The following ATP2C1 variants were observed in gnomAD, a reference collection of about 807,000 sequenced individuals.
The protein encoded by ATP2C1 is calcium-transporting ATPase type 2C member 1.
ATP2C1 carries 31 observed loss-of-function variants against 120.5 expected under a neutral mutation model. The observed-to-expected ratio is 0.26, with a 90% CI of 0.19 to 0.35. ATP2C1 has a LOEUF of 0.35. Among genes scored for constraint, ATP2C1 ranks in the 10% least tolerant of loss-of-function variants. ATP2C1 has a pLI of 1.00. For synonymous variants in ATP2C1, 351 were observed against 358.7 expected (o/e 0.98, Z 0.24); for missense variants, 731 against 1,107.5 (o/e 0.66, Z 4.83).
intron 4 of ATP2C1, 93 bp downstream of exon 4, chr3:130,932,231 A>G (rs2059481039): frequency 1.2e-6 from 1 of 833,072 alleles, no homozygotes; most frequent in African/African-American, 1.7e-5. Flanking sequence ...CTGTTTATGG[A>G]GAAAGGAAAT....
At chr3:130,876,443 T>G (rs1360387660) in intron 1 of ATP2C1, among the ~76,000 whole-genome samples, 1 of 152,168 alleles carries the variant, frequency 6.6e-6, no homozygotes, top group Non-Finnish European at 1.5e-5. Flanking sequence ...TGTAAATAGT[T>G]GGATTCATTT....
chr3:130,885,091 G>A (rs1261019736), intron 1 of ATP2C1, among the ~76,000 whole-genome samples: 3 of 151,852 alleles, frequency 2.0e-5, no homozygotes, highest in Non-Finnish European at 4.4e-5. Flanking sequence ...CTGCGACAAC[G>A]CCCAGCTAAT....
At chr3:131,012,446 CG>C (rs2063360988) in intron 26 of ATP2C1, among the ~76,000 whole-genome samples, 1 of 151,576 alleles carries the variant, frequency 6.6e-6, no homozygotes, top group African/African-American at 2.4e-5. Context: ...TTAGTAGAGA[CG>C]GGGTTTCACC....
intron 20 of ATP2C1, among the ~76,000 whole-genome samples, chr3:130,989,269 A>C (rs535711161): frequency 2.7e-5 from 4 of 147,910 alleles, no homozygotes; most frequent in African/African-American, 1.0e-4. Flanking sequence ...AAACAAAAAA[A>C]CAAACACACA....
In ATP2C1 at chr3:131,002,605, G is replaced by A. The variant is rs886057991; in HGVS notation, c.*1255G>A. ...TAGGTCATTTGTTTTGAGTATGTGG[G>A]CCAGAAATTTAAAATTAGAAATTTG... On this transcript the variant is annotated 3_prime_UTR_variant, in exon 28 of 28. Coordinates refer to ENST00000510168, the MANE Select transcript of ATP2C1 (RefSeq NM_001378687.1). 17 of 985,382 alleles carry A rather than the reference G, an allele frequency of 1.7e-5. No individual in the cohort carries two copies. In the East Asian group the frequency reaches 1.6e-3, roughly 92 times the overall value. The allele number at this position is 985,382 out of a possible 1,614,324, so 61.0% of individuals were successfully genotyped here. A position where few individuals can be genotyped will look rare whatever the true frequency, so the allele number is the denominator to read the frequency against.
intron 2 of ATP2C1, among the ~76,000 whole-genome samples, chr3:130,916,774 C>CT (rs1384053086): frequency 3.3e-5 from 5 of 151,882 alleles, no homozygotes; most frequent in Non-Finnish European, 5.9e-5. Context: ...TTTTCTTTTT[C>CT]TTTTTTTATT....
rs2061496881 is a variant in ATP2C1, at chr3:130,975,474, C to T, written c.1556C>T (p.Ser519Leu). 1.9e-6 allele frequency: 3 copies of T among 1,613,552 alleles called. No homozygotes were observed. The South Asian group carries it at 3.3e-5, about 18-fold the overall frequency. Residue 519 changes from serine (S) to leucine (L), a missense_variant, in exon 18 of 28, where the codon TCA becomes TTA. By Grantham distance (145) the Ser-to-Leu change is moderately radical. This residue lies in a region of ATP2C1 where 571 missense variants were observed against 845.9 expected (regional missense o/e 0.67). Coordinates refer to ENST00000510168, the MANE Select transcript of ATP2C1 (RefSeq NM_001378687.1). The part of the protein sequence containing the change: ...VYQQEKARMG[S>L]AGLRVLALAS... Reference sequence around the variant, plus strand: ...CAACAAGAGAAGGCACGCATGGGCTCAGCGGGACTCAGAGGTAAGGCTATT... The same window carrying T: ...CAACAAGAGAAGGCACGCATGGGCTTAGCGGGACTCAGAGGTAAGGCTATT...
intron 17 of ATP2C1, among the ~76,000 whole-genome samples, chr3:130,972,272 A>G (rs2061349659): frequency 6.6e-6 from 1 of 152,066 alleles, no homozygotes; most frequent in Non-Finnish European, 1.5e-5. Context: ...TGGGTTCCTA[A>G]CATACCATGG....
downstream of ATP2C1, among the ~76,000 whole-genome samples, chr3:131,004,829 C>G (rs559649691): frequency 2.2e-3 from 328 of 152,334 alleles, no homozygotes; most frequent in African/African-American, 7.4e-3. Flanking sequence ...GAGTTTGACA[C>G]TGTTAAGGCA....
chr3:130,861,294 G>A (rs2068004916), intron 1 of ATP2C1, among the ~76,000 whole-genome samples: 1 of 152,104 alleles, frequency 6.6e-6, no homozygotes, highest in South Asian at 2.1e-4. Flanking sequence ...GGTTCTCTAG[G>A]AGGTGAGGTA....
In ATP2C1 at chr3:130,979,425, A is replaced by C. The variant is rs758142720; in HGVS notation, c.1741+6A>C. The C allele has an allele frequency of 6.2e-7, 1 of 1,612,968 alleles. No homozygotes were observed. Among genetic ancestry groups the C allele is most frequent in the South Asian group, 1.1e-5 (1 of 91,060 alleles). The stretch of plus-strand genomic sequence containing the variant: ...GGAGACTGCAGTTGCAATCGGTATA[A>C]CTAGACTGCTTTCTTTTGTTTTCGA... On this transcript the variant is annotated splice_donor_region_variant and intron_variant, in intron 19 of 27. Coordinates refer to ENST00000510168, the MANE Select transcript of ATP2C1 (RefSeq NM_001378687.1).
chr3:130,925,279 G>A (rs2108292839), intron 2 of ATP2C1, among the ~76,000 whole-genome samples: 1 of 152,286 alleles, frequency 6.6e-6, no homozygotes, highest in South Asian at 2.1e-4. Flanking sequence ...CCTTGATGTG[G>A]TGTTCTCCCC....
intron 17 of ATP2C1, among the ~76,000 whole-genome samples, chr3:130,973,825 G>A (rs1375161371): frequency 6.6e-6 from 1 of 152,134 alleles, no homozygotes; most frequent in Non-Finnish European, 1.5e-5. Flanking sequence ...CCTTCAAAAT[G>A]AGAGGAAATT....
At chr3:130,886,916 T>C (rs1479033768) in intron 1 of ATP2C1, among the ~76,000 whole-genome samples, 4 of 152,192 alleles carry the variant, frequency 2.6e-5, no homozygotes, top group Non-Finnish European at 5.9e-5. Context: ...GTCTAAGCAT[T>C]GAAATGTTAG....
intron 2 of ATP2C1, among the ~76,000 whole-genome samples, chr3:130,913,927 A>G (rs993394823): frequency 1.3e-5 from 2 of 152,046 alleles, no homozygotes; most frequent in African/African-American, 4.8e-5. Context: ...TAATTTCCCT[A>G]TCTAAAAAAG....
At chr3:130,907,665 T>C (rs939745680) in intron 2 of ATP2C1, among the ~76,000 whole-genome samples, 2 of 152,044 alleles carry the variant, frequency 1.3e-5, no homozygotes, top group Non-Finnish European at 2.9e-5. Context: ...TTTTGATTAC[T>C]GTAGGTTTTG....
At chr3:130,886,936 G>A (rs1478239556) in intron 1 of ATP2C1, among the ~76,000 whole-genome samples, 4 of 152,174 alleles carry the variant, frequency 2.6e-5, no homozygotes, top group African/African-American at 7.2e-5. Flanking sequence ...GGTATTTATT[G>A]TAGTCTTCAC....
At chr3:130,944,521 C>T (rs1381575517) in intron 8 of ATP2C1, among the ~76,000 whole-genome samples, 2 of 152,140 alleles carry the variant, frequency 1.3e-5, no homozygotes, top group African/African-American at 4.8e-5. Flanking sequence ...TCCTCTTATA[C>T]GGCCACTAAT....
chr3:130,959,599 A>G lies in ATP2C1; in HGVS notation c.899+258A>G, dbSNP rs545695261. 2.2e-3 allele frequency: 448 copies of G among 200,862 alleles called. 9 individuals are homozygous for G. Among genetic ancestry groups the G allele is most frequent in the Non-Finnish European group, 3.0e-3 (292 of 98,432 alleles). The allele number at this position is 200,862 out of a possible 1,614,324, so 12.4% of individuals were successfully genotyped here. On this transcript the variant is annotated intron_variant, in intron 12 of 27. Transcript: ENST00000510168. ...TTGCCTTTTTATATATAAATATACA[A>G]TTAAGGATTGTCAAATTGAAAACTA...
Sources: gnomAD v4.1 joint callset for allele counts (sites outside exome capture counted in the v4.1 genomes callset) on GRCh38, gnomAD v4.1.1 for gene constraint, gnomAD v4.1.1 regional missense constraint, MANE v1.5 for transcripts, NCBI Gene and HGNC (gene_info 2026-07-23, HGNC 2026-07-21) for gene names.